Variants in ZIC4 observed in about 807,000 individuals in gnomAD.
ZIC4 encodes the protein Zic family zinc finger 4.
Under a neutral mutation model 28.8 loss-of-function variants are expected in ZIC4, and 15 were observed. The ratio of observed to expected loss-of-function variants is 0.52; its 90% CI spans 0.35 to 0.80. The LOEUF is 0.80. Ranked by LOEUF, ZIC4 falls within the 30% of genes least tolerant of loss-of-function variation. The pLI, the probability that ZIC4 is intolerant of heterozygous loss-of-function variation, is 0.01. For synonymous variants in ZIC4, 220 were observed against 198.1 expected (o/e 1.11, Z -0.93); for missense variants, 512 against 467.1 (o/e 1.10, Z -0.89).
At chr3:147,402,681 AG>A in intron 2 of ZIC4, 46 bp downstream of exon 2, 3 of 1,509,408 alleles carry the variant, frequency 2.0e-6, no homozygotes, top group Non-Finnish European at 2.7e-6. Flanking sequence ...AAGAAGAAGA[AG>A]AAAAGAAACC....
chr3:147,395,474 C>T (rs1422709731), intron 3 of ZIC4, among the ~76,000 whole-genome samples: 2 of 152,182 alleles, frequency 1.3e-5, no homozygotes, highest in Non-Finnish European at 2.9e-5. Context: ...AGTTCTGCTG[C>T]GCAATTCCAA....
At chr3:147,400,008 G>T (rs1316372264) in intron 2 of ZIC4, among the ~76,000 whole-genome samples, 1 of 152,248 alleles carries the variant, frequency 6.6e-6, no homozygotes, top group South Asian at 2.1e-4. Flanking sequence ...TCCATCAAAA[G>T]CTTTGAATAA....
chr3:147,404,065 G>A lies in ZIC4; in HGVS notation c.-15-1253C>T, dbSNP rs750313355. The A allele has an allele frequency of 3.2e-5, 49 of 1,536,990 alleles. No individual in the cohort carries two copies. The highest frequency in any genetic ancestry group is 5.9e-5 in the Admixed American group (3 of 50,968). ...CCAGCACAAATCAGGAAAGAAAGGAGGCCTAACTTTGCATTCCTACAGAAG... is the reference window on the plus strand; with the variant it reads ...CCAGCACAAATCAGGAAAGAAAGGAAGCCTAACTTTGCATTCCTACAGAAG... On this transcript the variant is annotated intron_variant, in intron 1 of 4. Transcript: ENST00000383075.
At chr3:147,395,739 G>C in intron 3 of ZIC4, 113 bp downstream of exon 3, 1 of 1,490,640 alleles carries the variant, frequency 6.7e-7, no homozygotes, top group East Asian at 2.3e-5. Context: ...TTGGCTCATG[G>C]AAACAACCCC....
At chr3:147,401,649 C>T (rs1317275745) in intron 2 of ZIC4, among the ~76,000 whole-genome samples, 2 of 152,116 alleles carry the variant, frequency 1.3e-5, no homozygotes, top group African/African-American at 2.4e-5. Flanking sequence ...ATAACATAAG[C>T]CCCAGGAGGC....
At chr3:147,391,936 G>A (rs905302675) in intron 3 of ZIC4, 10 of 983,672 alleles carry the variant, frequency 1.0e-5, no homozygotes, top group Non-Finnish European at 1.1e-5. Context: ...TACCCCCTGA[G>A]GGCAAACATT....
intron 4 of ZIC4, among the ~76,000 whole-genome samples, chr3:147,390,622 C>T (rs924091937): frequency 6.6e-6 from 1 of 152,028 alleles, no homozygotes; most frequent in Non-Finnish European, 1.5e-5. Flanking sequence ...GGTGATGGTG[C>T]TGATTGTGAC....
Position 147,391,038 on chromosome 3 carries a change from AT to A in ZIC4, c.896del (p.Asp299ValfsTer34), listed in dbSNP as rs1267979469. The A allele has an allele frequency of 6.2e-7, 1 of 1,613,824 alleles. No homozygotes were observed. Among genetic ancestry groups the A allele is most frequent in the Non-Finnish European group, 8.5e-7 (1 of 1,179,932 alleles). On this transcript the variant is annotated frameshift_variant, in exon 4 of 5. Coordinates refer to ENST00000383075, the MANE Select transcript of ZIC4 (RefSeq NM_032153.6). LOFTEE classifies it high-confidence loss of function. ...GRSPPPSSGY[D>X]SATPSALVSP... ...ACACGAGGGCAGACGGTGTAGCCGA[AT>A]CGTAGCCAGAGCTGGGCGGCGGCGA...
intron 1 of ZIC4, among the ~76,000 whole-genome samples, chr3:147,404,721 T>C (rs1028013011): frequency 2.6e-5 from 4 of 152,200 alleles, no homozygotes; most frequent in Non-Finnish European, 5.9e-5. Context: ...TGATTGATAG[T>C]GCCGGAGGAG....
chr3:147,394,140 C>A (rs1308177815), intron 3 of ZIC4, among the ~76,000 whole-genome samples: 16 of 151,654 alleles, frequency 1.1e-4, no homozygotes, highest in African/African-American at 3.4e-4. Context: ...CTCTCTCTCT[C>A]TCACTCTCTC....
intron 3 of ZIC4, chr3:147,391,966 T>A: frequency 1.0e-6 from 1 of 985,460 alleles, no homozygotes. Context: ...TCTTCAAATC[T>A]TGCCTAAACC....
intron 4 of ZIC4, chr3:147,389,141 T>C (rs1444865502): frequency 5.7e-6 from 3 of 529,054 alleles, no homozygotes; most frequent in Non-Finnish European, 1.0e-5. Context: ...CTGGGCCCTA[T>C]TGTATTAGGT....
In ZIC4 at chr3:147,396,130, C is replaced by T. The variant is rs1451920763; in HGVS notation, c.410G>A (p.Gly137Asp). ...GGAGCAGAGGCTCGGGGTCGCGGTG[C>T]CGTCGGCCGCCAGCCACTTGCAGAT... Reference protein sequence around the residue: ...ELICKWLAADGTATPSLCSKT... With the variant: ...ELICKWLAADDTATPSLCSKT... The change falls in exon 3 of 5, where the codon GGC becomes GAC. Residue 137 changes from glycine (G) to aspartate (D), a missense_variant. Around this residue, in one of 3 missense-constraint regions of ZIC4, gnomAD observed 310 missense variants for 256.5 expected, o/e 1.21. Transcript: ENST00000383075. The surrounding 1 kb of genome is among the most constrained non-coding windows in gnomAD (Gnocchi z 4.2). 2 of 1,612,812 alleles carry T rather than the reference C, an allele frequency of 1.2e-6. No individual in the cohort carries two copies. Among genetic ancestry groups the T allele is most frequent in the Non-Finnish European group, 1.7e-6 (2 of 1,179,868 alleles).
At chr3:147,389,386 TCA>T (rs1314436268) in intron 4 of ZIC4, 1 of 153,098 alleles carries the variant, frequency 6.5e-6, no homozygotes, top group Non-Finnish European at 1.5e-5. Context: ...TTTGCTGGGC[TCA>T]GATTTTAAAA....
In ZIC4 at chr3:147,391,101, G is replaced by T; in HGVS notation, c.834C>A (p.Pro278=). The T allele has an allele frequency of 6.2e-7, 1 of 1,614,164 alleles. No individual in the cohort carries two copies. Among genetic ancestry groups the T allele is most frequent in the Non-Finnish European group, 8.5e-7 (1 of 1,180,042 alleles). ...VRGCDKCYTH[P]SSLRKHMKVH... Reference sequence around the variant, plus strand: ...CCTTCATGTGCTTACGCAGCGAGCTGGGGTGCGTGTAGCACTTGTCGCAGC... The same window carrying T: ...CCTTCATGTGCTTACGCAGCGAGCTTGGGTGCGTGTAGCACTTGTCGCAGC... The change falls in exon 4 of 5, where the codon CCC becomes CCA. Residue 278 remains proline, a synonymous_variant. Transcript: ENST00000383075.
At chr3:147,400,291 A>G (rs1032863925) in intron 2 of ZIC4, among the ~76,000 whole-genome samples, 1 of 152,222 alleles carries the variant, frequency 6.6e-6, no homozygotes, top group Non-Finnish European at 1.5e-5. Context: ...CTGCTAGCAT[A>G]CTACACACTT....
intron 2 of ZIC4, among the ~76,000 whole-genome samples, chr3:147,401,476 T>C (rs1428336307): frequency 1.3e-5 from 2 of 149,802 alleles, no homozygotes; most frequent in Non-Finnish European, 3.0e-5. Context: ...AGTCTTGTCA[T>C]CTGAATGTTC....
At chr3:147,405,481 C>CT in intron 1 of ZIC4, 1 of 1,537,218 alleles carries the variant, frequency 6.5e-7, no homozygotes, top group Non-Finnish European at 8.7e-7. Context: ...TCAACCCCAA[C>CT]TTTCAGATCC....
intron 2 of ZIC4, among the ~76,000 whole-genome samples, chr3:147,397,503 C>T (rs1476527766): frequency 2.6e-5 from 4 of 152,154 alleles, no homozygotes; most frequent in African/African-American, 9.7e-5. Context: ...AGCCTCCTCC[C>T]CCTCCTCTCC....
Sources: allele counts gnomAD v4.1 joint callset (sites outside exome capture counted in the v4.1 genomes callset), GRCh38; gene constraint gnomAD v4.1.1; regional missense constraint gnomAD v4.1.1; non-coding constraint Gnocchi (gnomAD v3.1); transcripts MANE v1.5; gene names NCBI Gene and HGNC (gene_info 2026-07-23, HGNC 2026-07-21).